NDST4: variants seen among roughly 807,000 people sequenced by gnomAD.
NDST4 encodes the protein N-heparan sulfate sulfotransferase 4.
In NDST4, 63 loss-of-function variants were observed where a neutral mutation model predicts 100.8. The ratio of observed to expected loss-of-function variants is 0.62; its 90% CI spans 0.51 to 0.77. The LOEUF (loss-of-function observed/expected upper bound fraction) is 0.77. Among genes scored for constraint, NDST4 ranks in the 30% least tolerant of loss-of-function variants. NDST4 has a pLI of 0.00. For synonymous variants in NDST4, 377 were observed against 361.8 expected (o/e 1.04, Z -0.48); for missense variants, 943 against 1,018.4 (o/e 0.93, Z 1.01).
intron 4 of NDST4, among the ~76,000 whole-genome samples, chr4:114,946,385 A>C (rs1293880781): frequency 2.0e-5 from 3 of 152,196 alleles, no homozygotes; most frequent in Non-Finnish European, 4.4e-5. Context: ...AATATATTAG[A>C]AGGTGATTAG....
At chr4:115,028,613 T>C (rs569062616) in intron 2 of NDST4, among the ~76,000 whole-genome samples, 1 of 151,462 alleles carries the variant, frequency 6.6e-6, no homozygotes, top group African/African-American at 2.4e-5. Context: ...GGAGCTACAG[T>C]AAAACAAGAG....
intron 6 of NDST4, among the ~76,000 whole-genome samples, chr4:114,883,447 AAAGAATATAT>A (rs1374574387): frequency 1.2e-4 from 19 of 152,128 alleles, no homozygotes; most frequent in Non-Finnish European, 2.6e-4. Flanking sequence ...AAAAAAGTTA[AAAGAATATAT>A]AATTGATGTG....
intron 1 of NDST4, among the ~76,000 whole-genome samples, chr4:115,106,237 T>A (rs561480328): frequency 6.6e-6 from 1 of 152,206 alleles, no homozygotes; most frequent in East Asian, 1.9e-4. Flanking sequence ...GTCAGACTTG[T>A]ATTAAATAGG....
rs1186885738 is a variant in NDST4, at chr4:114,929,066, GTCCGTCCGTCCATCCATCCA to G, written c.1536+6120_1536+6139del. On this transcript the variant is annotated intron_variant, in intron 6 of 13. Transcript: ENST00000264363. ...TGTCCGTCCGTCCGTCCGTCCGTCC[GTCCGTCCGTCCATCCATCCA>G]TCCATCCATCCATCCATCCATCCAT... Among the ~76,000 whole-genome samples the G allele has an allele frequency of 6.1e-5, 6 of 99,098 alleles. No homozygotes were observed. The South Asian group carries it at 1.2e-3, about 20-fold the overall frequency. 65.0% of individuals were successfully genotyped at this position (99,098 alleles called of 152,430 possible). A position where few individuals can be genotyped will look rare whatever the true frequency, so the allele number is the denominator to read the frequency against.
chr4:114,938,281 T>A (rs1360443483), intron 4 of NDST4, among the ~76,000 whole-genome samples: 1 of 152,192 alleles, frequency 6.6e-6, no homozygotes, highest in Non-Finnish European at 1.5e-5. Flanking sequence ...CTCCTTGGTT[T>A]TGAACCTTAA....
intron 2 of NDST4, among the ~76,000 whole-genome samples, chr4:115,069,677 C>T (rs1729030660): frequency 6.6e-6 from 1 of 152,128 alleles, no homozygotes; most frequent in Admixed American, 6.5e-5. Flanking sequence ...GGGCAGATCA[C>T]TTGAAGTCAG....
rs376142983 is a variant in NDST4 at position 114,908,929 on chromosome 4, C to T, written c.1536+26277G>A. 9.9e-5 allele frequency among the ~76,000 whole-genome samples: 15 copies of T among 152,172 alleles called. 1 individual carries two copies. The East Asian group carries it at 2.9e-3, about 29-fold the overall frequency. On this transcript the variant is annotated intron_variant, in intron 6 of 13. Transcript: ENST00000264363. ...ATTTAGAATTTGTTTAATTAACTAA[C>T]ATGAAATGTGTGCCAATATTATCAG...
At chr4:115,088,344 AT>A (rs1221236444) in intron 1 of NDST4, among the ~76,000 whole-genome samples, 3 of 144,602 alleles carry the variant, frequency 2.1e-5, no homozygotes, top group Admixed American at 1.4e-4. Flanking sequence ...GCCTCCACCT[AT>A]TTTCTAGAAC....
chr4:114,827,984 A>C (rs1723116791), intron 13 of NDST4, 49 bp from the exon 14 acceptor site: 1 of 1,544,542 alleles, frequency 6.5e-7, no homozygotes, highest in Non-Finnish European at 8.7e-7. Context: ...GTTTCATCAA[A>C]CAGGATATTG....
At chr4:114,944,452 A>G (rs1725816952) in intron 4 of NDST4, among the ~76,000 whole-genome samples, 1 of 152,100 alleles carries the variant, frequency 6.6e-6, no homozygotes, top group South Asian at 2.1e-4. Context: ...CACCATCTGC[A>G]CTGTGTTTAG....
chr4:114,980,650 A>T (rs898225268), intron 2 of NDST4, among the ~76,000 whole-genome samples: 3 of 150,106 alleles, frequency 2.0e-5, no homozygotes, highest in Admixed American at 6.6e-5. Context: ...CTCAAAAAAT[A>T]AATAAAGAAA....
intron 5 of NDST4, 111 bp downstream of exon 5, chr4:114,937,207 A>C: frequency 4.6e-6 from 5 of 1,076,444 alleles, no homozygotes; most frequent in Non-Finnish European, 6.9e-6. Context: ...GGTATTTCTG[A>C]TAATCATGTA....
At chr4:115,044,101 A>G (rs1380442132) in intron 2 of NDST4, among the ~76,000 whole-genome samples, 1 of 152,158 alleles carries the variant, frequency 6.6e-6, no homozygotes, top group East Asian at 1.9e-4. Context: ...CTTAGTTTGA[A>G]AGGCATTTAT....
At chr4:115,033,783 A>C (rs1468193022) in intron 2 of NDST4, among the ~76,000 whole-genome samples, 1 of 140,226 alleles carries the variant, frequency 7.1e-6, no homozygotes. Context: ...AGCATTTAAA[A>C]ATTTTATTTC....
chr4:114,853,642 A>G (rs954360316), intron 7 of NDST4, among the ~76,000 whole-genome samples: 2 of 152,232 alleles, frequency 1.3e-5, no homozygotes, highest in African/African-American at 2.4e-5. Context: ...CACAATAATT[A>G]TATTCAAGAT....
At position 114,947,536 on chromosome 4, in the gene NDST4, T is replaced by G. The variant is rs141733788; in HGVS notation, c.1222-10033A>C. Among the ~76,000 whole-genome samples the G allele has an allele frequency of 3.5e-3, 536 of 152,284 alleles. 3 individuals are homozygous for G. Among genetic ancestry groups the G allele is most frequent in the African/African-American group, 0.012 (513 of 41,570 alleles). ...AGTTACAGGTATTAAGTATTAAGTT[T>G]CTACTAGTGCCTTTAACCTGGACTA... is the stretch of plus-strand genomic sequence containing the variant. On this transcript the variant is annotated intron_variant, in intron 4 of 13. Coordinates refer to ENST00000264363, the MANE Select transcript of NDST4 (RefSeq NM_022569.3).
At chr4:114,927,216 TTGTGTGTG>T (rs10555403) in intron 6 of NDST4, among the ~76,000 whole-genome samples, 31 of 147,976 alleles carry the variant, frequency 2.1e-4, no homozygotes, top group Middle Eastern at 3.5e-3. Flanking sequence ...TTAACTTGAT[TTGTGTGTG>T]TGTGTGTGTG....
chr4:114,844,344 C>A (rs1311242016), intron 10 of NDST4, among the ~76,000 whole-genome samples: 1 of 152,214 alleles, frequency 6.6e-6, no homozygotes, highest in South Asian at 2.1e-4. Flanking sequence ...AGTTGCTCAA[C>A]AAATGGCAGC....
intron 2 of NDST4, among the ~76,000 whole-genome samples, chr4:115,018,697 T>G (rs1303381246): frequency 6.6e-6 from 1 of 151,974 alleles, no homozygotes; most frequent in Admixed American, 6.6e-5. Context: ...ATGTACATTA[T>G]TTTGTGTTTT....
Sources: allele counts gnomAD v4.1 joint callset (sites outside exome capture counted in the v4.1 genomes callset), GRCh38; gene constraint gnomAD v4.1.1; transcripts MANE v1.5; gene names NCBI Gene and HGNC (gene_info 2026-07-23, HGNC 2026-07-21).